The following ADAM10 variants were observed in gnomAD, a reference collection of about 807,000 sequenced individuals.
ADAM10 encodes ADAM metallopeptidase domain 10.
In ADAM10, 17 loss-of-function variants were observed where a neutral mutation model predicts 90.1. The observed-to-expected ratio is 0.19, with a 90% CI of 0.13 to 0.28. The LOEUF (loss-of-function observed/expected upper bound fraction) is 0.28, where lower values mean the gene tolerates loss of function less well. ADAM10 is among the 10% of genes least tolerant of loss of function. ADAM10 has a pLI of 1.00. For synonymous variants in ADAM10, 310 were observed against 298.6 expected, an observed-to-expected ratio of 1.04 and a Z score of -0.40; for missense variants, 610 against 914.3, an observed-to-expected ratio of 0.67 and a Z score of 4.29.
At chr15:58,679,016 G>C (rs1897358115) in intron 4 of ADAM10, 108 bp downstream of exon 4, 1 of 1,118,542 alleles carries the variant, frequency 8.9e-7, no homozygotes. Context: ...GTTCTAGCCT[G>C]ATTAGTAACT....
intron 1 of ADAM10, among the ~76,000 whole-genome samples, chr15:58,730,796 T>C (rs1052295523): frequency 4.6e-5 from 7 of 152,104 alleles, no homozygotes; most frequent in Admixed American, 3.3e-4. Context: ...CACCATCCAA[T>C]TGGCTAAAGG....
intron 2 of ADAM10, among the ~76,000 whole-genome samples, chr15:58,685,984 G>A (rs1422320035): frequency 6.6e-6 from 1 of 152,046 alleles, no homozygotes; most frequent in East Asian, 1.9e-4. Context: ...CAAAAATACA[G>A]TTTTTCAGTT....
chr15:58,623,045 T>A (rs535302206), intron 10 of ADAM10, among the ~76,000 whole-genome samples: 1 of 152,138 alleles, frequency 6.6e-6, no homozygotes, highest in Non-Finnish European at 1.5e-5. Context: ...AAGTTGCGAA[T>A]TGAATAAGTA....
intron 1 of ADAM10, among the ~76,000 whole-genome samples, chr15:58,733,370 C>G (rs1488155007): frequency 6.6e-6 from 1 of 152,158 alleles, no homozygotes; most frequent in Non-Finnish European, 1.5e-5. Context: ...GCCCAAAAGA[C>G]CTGGGTTGGG....
At chr15:58,669,840 CTATT>C (rs1400545810) in intron 4 of ADAM10, among the ~76,000 whole-genome samples, 1 of 152,022 alleles carries the variant, frequency 6.6e-6, no homozygotes, top group Non-Finnish European at 1.5e-5. Context: ...GAATCCCAAA[CTATT>C]TATGCTGAGT....
intron 2 of ADAM10, among the ~76,000 whole-genome samples, chr15:58,712,596 G>GTT (rs1898510431): frequency 6.6e-6 from 1 of 151,824 alleles, no homozygotes; most frequent in South Asian, 2.1e-4. Context: ...AAGGTGGGCG[G>GTT]ATCATGAGGT....
intron 2 of ADAM10, among the ~76,000 whole-genome samples, chr15:58,699,546 GCCAGGAGTTTGAGA>G (rs71116589): frequency 0.66 from 99,896 of 151,044 alleles, 33,061 homozygotes; most frequent in South Asian, 0.69. Context: ...GTCACTTGAG[GCCAGGAGTTTGAGA>G]CCAGGAGTTT....
intron 5 of ADAM10, among the ~76,000 whole-genome samples, chr15:58,660,089 G>A (rs1158621598): frequency 1.3e-5 from 2 of 152,240 alleles, no homozygotes; most frequent in Admixed American, 1.3e-4. Context: ...CTGAGAATAT[G>A]GATCCATAAA....
intron 2 of ADAM10, among the ~76,000 whole-genome samples, chr15:58,709,463 G>A (rs896537204): frequency 1.3e-5 from 2 of 152,152 alleles, no homozygotes; most frequent in Non-Finnish European, 2.9e-5. Flanking sequence ...CACTGGCCAG[G>A]CACGGTGACT....
At chr15:58,709,796 T>C (rs1898415316) in intron 2 of ADAM10, among the ~76,000 whole-genome samples, 1 of 152,114 alleles carries the variant, frequency 6.6e-6, no homozygotes, top group Non-Finnish European at 1.5e-5. Flanking sequence ...GATATAAGCC[T>C]GTTTTAGATT....
intron 2 of ADAM10, among the ~76,000 whole-genome samples, chr15:58,699,599 C>T (rs1898075360): frequency 6.6e-6 from 1 of 151,776 alleles, no homozygotes; most frequent in South Asian, 2.1e-4. Flanking sequence ...GTGGCAAAAC[C>T]CTATCTCTAC....
intron 1 of ADAM10, among the ~76,000 whole-genome samples, chr15:58,745,422 G>T (rs1156468582): frequency 6.6e-6 from 1 of 152,066 alleles, no homozygotes; most frequent in Non-Finnish European, 1.5e-5. Flanking sequence ...AAAAGAAATG[G>T]TTTCTTACTT....
chr15:58,673,184 C>A lies in ADAM10; in HGVS notation c.484+5940G>T, dbSNP rs945143562. Among the ~76,000 whole-genome samples the A allele has an allele frequency of 2.6e-5, 4 of 152,106 alleles. No homozygotes were observed. The South Asian group carries it at 8.3e-4, about 31-fold the overall frequency. ...ACAGACAGACGGACAGACAGCCCAT[C>A]CTGGTGGTATTTTCAATAACCACTA... On this transcript the variant is annotated intron_variant, in intron 4 of 15. Coordinates refer to ENST00000260408, the MANE Select transcript of ADAM10 (RefSeq NM_001110.4).
intron 1 of ADAM10, among the ~76,000 whole-genome samples, chr15:58,725,817 G>A (rs1157526821): frequency 6.6e-6 from 1 of 152,106 alleles, no homozygotes; most frequent in East Asian, 1.9e-4. Flanking sequence ...TCTATAGCCA[G>A]TGAAAATAAC....
chr15:58,632,492 T>C (rs886908976), intron 9 of ADAM10, among the ~76,000 whole-genome samples: 2 of 152,224 alleles, frequency 1.3e-5, no homozygotes, highest in Non-Finnish European at 2.9e-5. Context: ...GGCTTTTCCA[T>C]ATTTAACAAA....
At chr15:58,692,244 G>T in intron 2 of ADAM10, 1 of 595,512 alleles carries the variant, frequency 1.7e-6, no homozygotes, top group South Asian at 1.4e-5. Context: ...CTTCTACAGG[G>T]AATTGCTTGA....
rs1386522737 is a variant in ADAM10, at chr15:58,596,481, T to C, written c.*1066A>G. The stretch of plus-strand genomic sequence containing the variant: ...ATTACTCATCTTTAGTGGTTACCAA[T>C]GATCAGTGATGATATGCTGAAAAAA... On this transcript the variant is annotated 3_prime_UTR_variant, in exon 16 of 16. Transcript: ENST00000260408. 1.3e-5 allele frequency: 2 copies of C among 152,640 alleles called. No individual in the cohort carries two copies. Among genetic ancestry groups the C allele is most frequent in the African/African-American group, 4.8e-5 (2 of 41,466 alleles). The allele number at this position is 152,640 out of a possible 1,614,324, so 9.5% of individuals were successfully genotyped here. A position where few individuals can be genotyped will look rare whatever the true frequency, so the allele number is the denominator to read the frequency against.
At chr15:58,727,724 A>T (rs1230609709) in intron 1 of ADAM10, among the ~76,000 whole-genome samples, 1 of 152,196 alleles carries the variant, frequency 6.6e-6, no homozygotes. Context: ...AATATATAAC[A>T]TCCAAACCCT....
intron 1 of ADAM10, among the ~76,000 whole-genome samples, chr15:58,740,495 C>A (rs762183294): frequency 2.6e-5 from 4 of 151,682 alleles, no homozygotes; most frequent in Non-Finnish European, 4.4e-5. Flanking sequence ...TCATTTTTTA[C>A]TACTTATACA....
Sources: gnomAD v4.1 joint callset for allele counts (sites outside exome capture counted in the v4.1 genomes callset) on GRCh38, gnomAD v4.1.1 for gene constraint, MANE v1.5 for transcripts, NCBI Gene and HGNC (gene_info 2026-07-23, HGNC 2026-07-21) for gene names.